CC2D2A: variants seen among roughly 807,000 people sequenced by gnomAD.
The protein encoded by CC2D2A is coiled-coil and C2 domain-containing protein 2A.
Under a neutral mutation model 212.9 loss-of-function variants are expected in CC2D2A, and 155 were observed. The observed-to-expected ratio is 0.73, with a 90% CI of 0.64 to 0.83. CC2D2A has a LOEUF of 0.83. Ranked by LOEUF, CC2D2A falls within the 40% of genes least tolerant of loss-of-function variation. The pLI, the probability that CC2D2A is intolerant of heterozygous loss-of-function variation, is 0.00. For missense variants in CC2D2A, 1,856 were observed against 1,956.2 expected, an observed-to-expected ratio of 0.95 and a Z score of 0.97; for synonymous variants, 667 against 686.5, an observed-to-expected ratio of 0.97 and a Z score of 0.44.
chr4:15,583,504 T>C (rs1165722311), intron 30 of CC2D2A, among the ~76,000 whole-genome samples: 3 of 152,068 alleles, frequency 2.0e-5, no homozygotes, highest in East Asian at 1.9e-4. Context: ...GGAAACAAAA[T>C]CAACATCGAA....
At chr4:15,559,289 G>A (rs1463916749) in intron 22 of CC2D2A, 32 bp downstream of exon 22, 18 of 1,405,466 alleles carry the variant, frequency 1.3e-5, no homozygotes, top group Non-Finnish European at 1.8e-5. Context: ...TGTCTTCATA[G>A]GGAGAAAAGA....
intron 4 of CC2D2A, among the ~76,000 whole-genome samples, chr4:15,486,886 T>A (rs1006384271): frequency 6.6e-6 from 1 of 152,032 alleles, no homozygotes; most frequent in Non-Finnish European, 1.5e-5. Flanking sequence ...TTTATTTTTT[T>A]AATTCATCAT....
At chr4:15,552,764 T>G (rs569131238) in intron 18 of CC2D2A, among the ~76,000 whole-genome samples, 21 of 152,220 alleles carry the variant, frequency 1.4e-4, no homozygotes, top group Non-Finnish European at 2.6e-4. Context: ...TGGCATGAAG[T>G]AGAAGCTCAA....
intron 7 of CC2D2A, among the ~76,000 whole-genome samples, chr4:15,511,030 T>A (rs762059485): frequency 7.2e-5 from 11 of 152,210 alleles, no homozygotes; most frequent in Non-Finnish European, 1.6e-4. Flanking sequence ...TTTTTTAAAG[T>A]CACTAATTAG....
Position 15,540,827 on chromosome 4 carries a change from C to G in CC2D2A, c.2004-10C>G. On this transcript the variant is annotated splice_polypyrimidine_tract_variant and intron_variant, in intron 16 of 36. Coordinates refer to ENST00000424120, the MANE Select transcript of CC2D2A (RefSeq NM_001378615.1). ...TACTAACTCCACCTGTGAATGGTCT[C>G]CTTTTGCAGAGCGGAGGTCTCGAGA... The G allele has an allele frequency of 6.3e-7, 1 of 1,591,640 alleles. No individual in the cohort carries two copies.
intron 11 of CC2D2A, among the ~76,000 whole-genome samples, chr4:15,524,898 T>C (rs1490890709): frequency 6.6e-6 from 1 of 152,234 alleles, no homozygotes; most frequent in Non-Finnish European, 1.5e-5. Context: ...ACTCTAAATA[T>C]TATCCCTCCT....
chr4:15,494,861 A>C lies in CC2D2A; in HGVS notation c.248-7568A>C, dbSNP rs1323883031. On this transcript the variant is annotated intron_variant, in intron 4 of 36. Transcript: ENST00000424120. The stretch of plus-strand genomic sequence containing the variant: ...ACAGTTACAATATGTAACAGGGTGA[A>C]GCATATGTAAATTTAAAAACAGAAT... Among the ~76,000 whole-genome samples the C allele has an allele frequency of 6.6e-5, 10 of 152,222 alleles. 1 individual carries two copies. Among genetic ancestry groups the C allele is most frequent in the Non-Finnish European group, 1.2e-4 (8 of 68,036 alleles).
intron 1 of CC2D2A, among the ~76,000 whole-genome samples, chr4:15,471,507 C>T (rs900144928): frequency 1.3e-5 from 2 of 151,952 alleles, no homozygotes; most frequent in African/African-American, 4.8e-5. Context: ...TTCTTAGTAA[C>T]AAAACCTACC....
intron 35 of CC2D2A, among the ~76,000 whole-genome samples, chr4:15,598,354 A>G (rs1721410453): frequency 6.6e-6 from 1 of 152,224 alleles, no homozygotes; most frequent in African/African-American, 2.4e-5. Context: ...AAACCCATGC[A>G]TTTAGTTAGG....
intron 32 of CC2D2A, 130 bp downstream of exon 32, chr4:15,588,059 G>GT (rs1720933814): frequency 1.8e-6 from 1 of 561,962 alleles, no homozygotes; most frequent in Non-Finnish European, 3.2e-6. Context: ...CACAGATGCC[G>GT]TAACGGGCAG....
intron 35 of CC2D2A, 39 bp downstream of exon 35, chr4:15,597,504 T>C: frequency 6.7e-7 from 1 of 1,484,408 alleles, no homozygotes; most frequent in South Asian, 1.2e-5. Context: ...AATCTGTCAC[T>C]AGGAGTATAA....
chr4:15,531,579 C>CCAGA (rs1248230522), intron 13 of CC2D2A, among the ~76,000 whole-genome samples: 1 of 152,178 alleles, frequency 6.6e-6, no homozygotes, highest in African/African-American at 2.4e-5. Context: ...ACTGCACCGT[C>CCAGA]CAGACCCCAT....
chr4:15,531,053 C>A (rs1717822803), intron 13 of CC2D2A, among the ~76,000 whole-genome samples: 1 of 152,190 alleles, frequency 6.6e-6, no homozygotes, highest in Non-Finnish European at 1.5e-5. Flanking sequence ...CATAAAAATT[C>A]TATGACCCCA....
intron 27 of CC2D2A, 110 bp from the exon 28 acceptor site, chr4:15,570,288 A>G: frequency 1.6e-6 from 1 of 633,400 alleles, no homozygotes; most frequent in Non-Finnish European, 2.8e-6. Context: ...GGTCTATCTA[A>G]TATAAGTTCA....
At chr4:15,533,865 G>A (rs1577355071) in intron 14 of CC2D2A, among the ~76,000 whole-genome samples, 1 of 151,972 alleles carries the variant, frequency 6.6e-6, no homozygotes, top group Non-Finnish European at 1.5e-5. Context: ...TGGCATTTTT[G>A]TACTTGTCTT....
intron 17 of CC2D2A, among the ~76,000 whole-genome samples, chr4:15,546,960 T>C (rs2109045671): frequency 6.6e-6 from 1 of 152,252 alleles, no homozygotes; most frequent in South Asian, 2.1e-4. Flanking sequence ...ACATATGTTA[T>C]CTCGTGTTAT....
chr4:15,475,343 G>T (rs1463095403), intron 1 of CC2D2A, among the ~76,000 whole-genome samples: 1 of 152,136 alleles, frequency 6.6e-6, no homozygotes, highest in Non-Finnish European at 1.5e-5. Flanking sequence ...TTTTTCCACT[G>T]GTAGGAATGA....
intron 24 of CC2D2A, among the ~76,000 whole-genome samples, chr4:15,567,116 T>C (rs1308950136): frequency 6.6e-6 from 1 of 151,748 alleles, no homozygotes; most frequent in African/African-American, 2.4e-5. Context: ...AACCACATCT[T>C]TACTAAAAAT....
At chr4:15,470,717 A>C (rs866484379) in intron 1 of CC2D2A, among the ~76,000 whole-genome samples, 18 of 77,400 alleles carry the variant, frequency 2.3e-4, no homozygotes, top group South Asian at 4.2e-4. Context: ...ATATATATAT[A>C]TATATATATA....
Sources: gnomAD v4.1 joint callset for allele counts (sites outside exome capture counted in the v4.1 genomes callset) on GRCh38, gnomAD v4.1.1 for gene constraint, MANE v1.5 for transcripts, NCBI Gene and HGNC (gene_info 2026-07-23, HGNC 2026-07-21) for gene names.